Variants in CTNNA2 observed in about 807,000 individuals in gnomAD.
CTNNA2 encodes catenin alpha-2.
Under a neutral mutation model 101.0 loss-of-function variants are expected in CTNNA2, and 42 were observed. The ratio of observed to expected loss-of-function variants is 0.42; its 90% CI spans 0.32 to 0.54. CTNNA2 has a LOEUF of 0.54. Ranked by LOEUF, CTNNA2 falls within the 20% of genes least tolerant of loss-of-function variation. The probability of loss-of-function intolerance (pLI) is 0.14; values close to 1 mark genes in which losing one functional copy is unlikely to be tolerated. For missense variants in CTNNA2, 871 were observed against 1,223.1 expected (o/e 0.71, Z 4.29); for synonymous variants, 450 against 456.4 (o/e 0.99, Z 0.18).
intron 4 of CTNNA2, among the ~76,000 whole-genome samples, chr2:79,467,432 A>C (rs1670951365): frequency 6.6e-6 from 1 of 152,226 alleles, no homozygotes; most frequent in African/African-American, 2.4e-5. Flanking sequence ...GGGAGAATGG[A>C]ACCAAGTTAG....
intron 5 of CTNNA2, among the ~76,000 whole-genome samples, chr2:79,872,674 C>T (rs186809154): frequency 5.3e-5 from 8 of 152,216 alleles, no homozygotes; most frequent in Non-Finnish European, 8.8e-5. Flanking sequence ...TACCAATTTT[C>T]GTGACAATCT....
At chr2:80,594,161 G>GT (rs1265766016) in intron 15 of CTNNA2, among the ~76,000 whole-genome samples, 3 of 151,906 alleles carry the variant, frequency 2.0e-5, no homozygotes, top group Admixed American at 6.6e-5. Context: ...CTTGTTTTCT[G>GT]TTTTTTTCTT....
At chr2:79,528,501 G>T (rs1672554123) in intron 1 of CTNNA2, among the ~76,000 whole-genome samples, 1 of 152,000 alleles carries the variant, frequency 6.6e-6, no homozygotes, top group African/African-American at 2.4e-5. Context: ...TATACTGTTT[G>T]TGCATATACT....
intron 4 of CTNNA2, chr2:79,500,581 C>CTGAAATA (rs1671308683): frequency 1.3e-5 from 2 of 152,284 alleles, no homozygotes; most frequent in East Asian, 3.9e-4. Flanking sequence ...CTCACCCCAC[C>CTGAAATA]CTTCTCTGCT....
chr2:79,804,644 CCTA>C lies in CTNNA2; in HGVS notation c.299-53365_299-53363del, dbSNP rs1317320710. Among the ~76,000 whole-genome samples the C allele has an allele frequency of 4.0e-5, 6 of 151,124 alleles. No homozygotes were observed. In the East Asian group the frequency reaches 1.2e-3, roughly 29 times the overall value. ...TAGATTATTCTAGGAAGGATTGTAA[CCTA>C]CTATTTTTTTTATATATTTAAGTAA... On this transcript the variant is annotated intron_variant, in intron 3 of 18. Coordinates refer to ENST00000402739, the MANE Select transcript of CTNNA2 (RefSeq NM_001282597.3).
intron 3 of CTNNA2, among the ~76,000 whole-genome samples, chr2:79,847,862 G>A (rs574271410): frequency 3.3e-5 from 5 of 152,182 alleles, no homozygotes; most frequent in East Asian, 1.9e-4. Flanking sequence ...TTTGATGCTC[G>A]CGTTATCTCT....
In CTNNA2 at chr2:79,893,824, A is replaced by G. The variant is rs1215219748; in HGVS notation, c.853-15770A>G. Among the ~76,000 whole-genome samples, 10 of 152,294 alleles carry G rather than the reference A, an allele frequency of 6.6e-5. No homozygotes were observed. In the East Asian group the frequency reaches 1.9e-3, roughly 29 times the overall value. On this transcript the variant is annotated intron_variant, in intron 6 of 18. Coordinates refer to ENST00000402739, the MANE Select transcript of CTNNA2 (RefSeq NM_001282597.3). ...ATGTTTTTACATTTATAATTATACA[A>G]ATAATAGTTTTTTAGACTAACTTTA...
intron 18 of CTNNA2, among the ~76,000 whole-genome samples, chr2:80,646,733 G>T (rs1674133736): frequency 6.6e-6 from 1 of 151,866 alleles, no homozygotes; most frequent in Admixed American, 6.6e-5. Context: ...TCTGGTGATG[G>T]GCCTCTAAAC....
At chr2:79,475,037 A>G (rs1558676252) in intron 4 of CTNNA2, among the ~76,000 whole-genome samples, 2 of 152,226 alleles carry the variant, frequency 1.3e-5, no homozygotes, top group Admixed American at 1.3e-4. Context: ...GAGTATAAAA[A>G]TGTATGAATA....
intron 7 of CTNNA2, among the ~76,000 whole-genome samples, chr2:80,105,374 A>T (rs1056893072): frequency 6.6e-6 from 1 of 152,262 alleles, no homozygotes; most frequent in African/African-American, 2.4e-5. Context: ...CCAGAAGTTG[A>T]GAATTGCCTA....
At chr2:79,766,817 A>C (rs1399003949) in intron 3 of CTNNA2, among the ~76,000 whole-genome samples, 4 of 151,286 alleles carry the variant, frequency 2.6e-5, no homozygotes, top group Non-Finnish European at 5.9e-5. Context: ...GTGCAGCGGC[A>C]TGATCTCGGC....
At chr2:80,011,289 G>T (rs1458062626) in intron 7 of CTNNA2, among the ~76,000 whole-genome samples, 2 of 152,142 alleles carry the variant, frequency 1.3e-5, no homozygotes, top group African/African-American at 4.8e-5. Context: ...AAATTTTGTG[G>T]CTATGTTATT....
intron 7 of CTNNA2, among the ~76,000 whole-genome samples, chr2:80,116,189 G>T (rs1701506773): frequency 6.6e-6 from 1 of 152,006 alleles, no homozygotes; most frequent in Non-Finnish European, 1.5e-5. Context: ...AAACAAGTGG[G>T]TATAGCTGTG....
At chr2:80,415,919 T>A (rs1368109289) in intron 8 of CTNNA2, among the ~76,000 whole-genome samples, 1 of 152,164 alleles carries the variant, frequency 6.6e-6, no homozygotes, top group Non-Finnish European at 1.5e-5. Context: ...GCACTGTGCT[T>A]AGTGAAATAA....
intron 7 of CTNNA2, among the ~76,000 whole-genome samples, chr2:80,318,056 C>G (rs1408381762): frequency 2.0e-5 from 3 of 152,116 alleles, no homozygotes; most frequent in African/African-American, 7.2e-5. Context: ...CCATCTACCC[C>G]TACAAATCCG....
At chr2:79,662,883 T>A (rs892206748) in intron 2 of CTNNA2, among the ~76,000 whole-genome samples, 22 of 152,204 alleles carry the variant, frequency 1.4e-4, no homozygotes, top group Admixed American at 1.2e-3. Context: ...TCATGGGATT[T>A]ATTTCCTCCC....
chr2:80,613,397 T>C (rs1698615139), intron 17 of CTNNA2, among the ~76,000 whole-genome samples: 1 of 151,404 alleles, frequency 6.6e-6, no homozygotes, highest in Non-Finnish European at 1.5e-5. Context: ...GACTTGTTTT[T>C]GGAAGAAATG....
chr2:80,025,352 A>T (rs1221489032), intron 7 of CTNNA2, among the ~76,000 whole-genome samples: 1 of 152,160 alleles, frequency 6.6e-6, no homozygotes, highest in Non-Finnish European at 1.5e-5. Flanking sequence ...TATCAGAGGG[A>T]TGAGAGCACC....
chr2:80,129,998 C>T (rs1362458101), intron 7 of CTNNA2, among the ~76,000 whole-genome samples: 1 of 152,032 alleles, frequency 6.6e-6, no homozygotes, highest in East Asian at 1.9e-4. Flanking sequence ...GCTCAGAGCA[C>T]TGAGATAAAC....
Sources: allele counts gnomAD v4.1 joint callset (sites outside exome capture counted in the v4.1 genomes callset), GRCh38; gene constraint gnomAD v4.1.1; transcripts MANE v1.5; gene names NCBI Gene and HGNC (gene_info 2026-07-23, HGNC 2026-07-21).